KCNN2: variants seen among roughly 807,000 people sequenced by gnomAD.
The protein encoded by KCNN2 is potassium calcium-activated channel subfamily N member 2, also known as small conductance calcium-activated potassium channel protein 2.
A neutral mutation model predicts 55.5 loss-of-function variants in KCNN2; 24 were observed. The observed-to-expected ratio is 0.43, with a 90% CI of 0.31 to 0.61. The LOEUF (loss-of-function observed/expected upper bound fraction) is 0.61, where lower values mean the gene tolerates loss of function less well. KCNN2 is among the 20% of genes least tolerant of loss of function. The pLI, the probability that KCNN2 is intolerant of heterozygous loss-of-function variation, is 0.08. For synonymous variants in KCNN2, 431 were observed against 336.1 expected, an observed-to-expected ratio of 1.28 and a Z score of -3.09; for missense variants, 754 against 853.6, an observed-to-expected ratio of 0.88 and a Z score of 1.45.
At chr5:114,306,522 G>A (rs1756275077) in intron 2 of KCNN2, among the ~76,000 whole-genome samples, 1 of 151,990 alleles carries the variant, frequency 6.6e-6, no homozygotes, top group Non-Finnish European at 1.5e-5. Context: ...ATGCTTTACT[G>A]GTCAGAGAAC....
chr5:114,270,028 A>G (rs1755294352), intron 2 of KCNN2, among the ~76,000 whole-genome samples: 1 of 152,206 alleles, frequency 6.6e-6, no homozygotes, highest in Non-Finnish European at 1.5e-5. Flanking sequence ...TAGCATTTAA[A>G]TGGCACTTCC....
At chr5:114,187,967 A>G (rs1753373870) in intron 1 of KCNN2, among the ~76,000 whole-genome samples, 1 of 151,694 alleles carries the variant, frequency 6.6e-6, no homozygotes, top group South Asian at 2.1e-4. Flanking sequence ...GGTACTCACC[A>G]CCACACCCAG....
chr5:114,278,896 A>G (rs1054214180), intron 2 of KCNN2, among the ~76,000 whole-genome samples: 3 of 152,188 alleles, frequency 2.0e-5, no homozygotes, highest in Middle Eastern at 3.4e-3. Context: ...ACCAGACTCA[A>G]TGAGATGAAC....
At chr5:114,181,948 A>C (rs565770250) in intron 1 of KCNN2, among the ~76,000 whole-genome samples, 59 of 152,296 alleles carry the variant, frequency 3.9e-4, no homozygotes, top group Non-Finnish European at 6.6e-4. Flanking sequence ...CGGGAGGTGG[A>C]GATTGCAGTG....
chr5:114,085,737 G>A (rs1054208274), intron 1 of KCNN2, among the ~76,000 whole-genome samples: 9 of 151,984 alleles, frequency 5.9e-5, no homozygotes, highest in Admixed American at 2.0e-4. Context: ...TATCAATTAA[G>A]TCAATTGGGT....
intron 2 of KCNN2, among the ~76,000 whole-genome samples, chr5:114,326,062 T>C (rs557874828): frequency 6.6e-6 from 1 of 152,306 alleles, no homozygotes; most frequent in Non-Finnish European, 1.5e-5. Flanking sequence ...TTCTGCCAAA[T>C]GAATTATGAA....
chr5:114,348,038 T>A (rs1215035674), intron 2 of KCNN2, among the ~76,000 whole-genome samples: 1 of 152,184 alleles, frequency 6.6e-6, no homozygotes, highest in African/African-American at 2.4e-5. Context: ...TCTTGACCAC[T>A]GAGTCCTTTA....
chr5:114,109,002 T>A (rs74959462), intron 1 of KCNN2, among the ~76,000 whole-genome samples: 7,001 of 152,114 alleles, frequency 0.046, 534 homozygotes, highest in African/African-American at 0.16. Context: ...TGAGAGTTGC[T>A]GTTGCTTTAC....
At chr5:114,492,079 T>C (rs988593681) in intron 6 of KCNN2, among the ~76,000 whole-genome samples, 2 of 152,144 alleles carry the variant, frequency 1.3e-5, no homozygotes, top group Non-Finnish European at 2.9e-5. Flanking sequence ...TGAGAAGTTA[T>C]AACCTTAAAC....
At chr5:114,212,135 G>A (rs892876195) in intron 1 of KCNN2, among the ~76,000 whole-genome samples, 1 of 151,876 alleles carries the variant, frequency 6.6e-6, no homozygotes, top group African/African-American at 2.4e-5. Context: ...AAAATTTTTT[G>A]TCAGCTCTTA....
intron 1 of KCNN2, among the ~76,000 whole-genome samples, chr5:114,177,770 C>T (rs1452219268): frequency 6.6e-5 from 10 of 151,988 alleles, no homozygotes; most frequent in African/African-American, 2.4e-4. Context: ...CAAGGCATTG[C>T]AATCCTAGTA....
At chr5:114,085,068 A>ATATATG (rs1293519300) in intron 1 of KCNN2, among the ~76,000 whole-genome samples, 6 of 150,696 alleles carry the variant, frequency 4.0e-5, no homozygotes, top group African/African-American at 7.3e-5. Flanking sequence ...ATATATATAT[A>ATATATG]TGTGTGTGTC....
intron 2 of KCNN2, 109 bp downstream of exon 2, chr5:114,364,110 A>T: frequency 1.3e-6 from 1 of 762,018 alleles, no homozygotes. Context: ...GCTTGAGGTT[A>T]CAGAAGACAC....
intron 2 of KCNN2, among the ~76,000 whole-genome samples, chr5:114,364,239 A>G (rs776444240): frequency 2.6e-5 from 4 of 152,162 alleles, no homozygotes; most frequent in Non-Finnish European, 5.9e-5. Flanking sequence ...GACCCTTAAG[A>G]TTTTTACTTC....
Position 114,311,457 on chromosome 5 carries a change from G to A in KCNN2, c.-184-49488G>A, listed in dbSNP as rs566574569. On this transcript the variant is annotated intron_variant, in intron 2 of 10. Coordinates refer to the KCNN2 transcript ENST00000512097. ...TGCATTTGGCGACTTCCCCTTGGCAGAGTCTTTTTCCTTTATAGTTGGATG... is the reference window on the plus strand; with the variant it reads ...TGCATTTGGCGACTTCCCCTTGGCAAAGTCTTTTTCCTTTATAGTTGGATG... Among the ~76,000 whole-genome samples, 5 of 152,228 alleles carry A rather than the reference G, an allele frequency of 3.3e-5. No homozygotes were observed. In the South Asian group the frequency reaches 8.3e-4, roughly 25 times the overall value.
At chr5:114,122,005 G>T (rs1331043045) in intron 1 of KCNN2, among the ~76,000 whole-genome samples, 2 of 152,200 alleles carry the variant, frequency 1.3e-5, no homozygotes, top group African/African-American at 2.4e-5. Flanking sequence ...CACAATCAAA[G>T]AACAAATTAT....
upstream of KCNN2, among the ~76,000 whole-genome samples, chr5:114,358,853 T>C (rs561571046): frequency 1.3e-4 from 20 of 152,358 alleles, no homozygotes; most frequent in East Asian, 3.7e-3. Context: ...ACATTTTAAA[T>C]GTCTACATAT....
chr5:114,290,712 A>G (rs1000655082), intron 2 of KCNN2, among the ~76,000 whole-genome samples: 1 of 152,136 alleles, frequency 6.6e-6, no homozygotes, highest in Non-Finnish European at 1.5e-5. Flanking sequence ...ATAGAAATAG[A>G]GGCATTTATG....
At chr5:114,257,610 TATTGTAA>T (rs1561543331) in intron 2 of KCNN2, among the ~76,000 whole-genome samples, 1 of 152,124 alleles carries the variant, frequency 6.6e-6, no homozygotes, top group Non-Finnish European at 1.5e-5. Context: ...ATTTTGTAGC[TATTGTAA>T]ATGGGATTGA....
Sources: gnomAD v4.1 joint callset for allele counts (sites outside exome capture counted in the v4.1 genomes callset) on GRCh38, gnomAD v4.1.1 for gene constraint, MANE v1.5 for transcripts, NCBI Gene and HGNC (gene_info 2026-07-23, HGNC 2026-07-21) for gene names.